Variants in MGAT4C observed in about 807,000 individuals in gnomAD.
MGAT4C encodes alpha-1,3-mannosyl-glycoprotein 4-beta-N-acetylglucosaminyltransferase C.
MGAT4C carries 19 observed loss-of-function variants against 40.1 expected under a neutral mutation model. The observed-to-expected ratio is 0.47, with a 90% confidence interval of 0.33 to 0.70. The LOEUF is 0.70. MGAT4C is among the 30% of genes least tolerant of loss of function. The pLI is 0.02. For missense variants in MGAT4C, 491 were observed against 563.2 expected, an observed-to-expected ratio of 0.87 and a Z score of 1.30; for synonymous variants, 181 against 187.1, an observed-to-expected ratio of 0.97 and a Z score of 0.27.
At chr12:86,623,599 CAA>C (rs1962707925) in intron 2 of MGAT4C, among the ~76,000 whole-genome samples, 1 of 152,028 alleles carries the variant, frequency 6.6e-6, no homozygotes, top group Non-Finnish European at 1.5e-5. Context: ...AATTCTATAT[CAA>C]GTCAAAAATA....
chr12:86,334,104 C>A (rs765371348), exon 4 of MGAT4C: 11 of 152,230 alleles, frequency 7.2e-5, no homozygotes, highest in Non-Finnish European at 1.5e-4. Flanking sequence ...CACGCAGAAT[C>A]AGGGCTGTGC....
At chr12:86,071,794 C>T (rs963219867) in intron 1 of MGAT4C, among the ~76,000 whole-genome samples, 1 of 152,152 alleles carries the variant, frequency 6.6e-6, no homozygotes, top group Admixed American at 6.5e-5. Context: ...AACAGTAAAA[C>T]GTGTTAGATC....
chr12:86,579,381 T>G (rs1307258562), intron 2 of MGAT4C, among the ~76,000 whole-genome samples: 1 of 151,556 alleles, frequency 6.6e-6, no homozygotes, highest in African/African-American at 2.4e-5. Context: ...AGCCATAATT[T>G]TAACCTGATA....
At chr12:85,990,364 T>C (rs1179049001) in intron 2 of MGAT4C, among the ~76,000 whole-genome samples, 1 of 152,168 alleles carries the variant, frequency 6.6e-6, no homozygotes, top group African/African-American at 2.4e-5. Flanking sequence ...AGTATAAACA[T>C]ATCTGAAGCA....
At chr12:86,826,664 G>C (rs888592549) in intron 1 of MGAT4C, among the ~76,000 whole-genome samples, 17 of 151,204 alleles carry the variant, frequency 1.1e-4, no homozygotes, top group African/African-American at 1.9e-4. Flanking sequence ...TGGTTCGTTG[G>C]GGGTAGGCAT....
intron 2 of MGAT4C, among the ~76,000 whole-genome samples, chr12:86,707,504 A>G (rs1267531833): frequency 2.0e-5 from 3 of 150,616 alleles, no homozygotes; most frequent in African/African-American, 7.3e-5. Context: ...GGTTTAGGGT[A>G]TCTGGCGGAG....
chr12:86,247,485 A>C (rs762534393), intron 1 of MGAT4C, among the ~76,000 whole-genome samples: 13 of 152,214 alleles, frequency 8.5e-5, no homozygotes, highest in Non-Finnish European at 1.3e-4. Flanking sequence ...ACTGGCATTA[A>C]CAATTTAATC....
At chr12:86,110,267 A>ACTATATATATATAGACTATATATATAGT (rs1555224731) in intron 1 of MGAT4C, among the ~76,000 whole-genome samples, 1 of 26,070 alleles carries the variant, frequency 3.8e-5, no homozygotes, top group African/African-American at 2.6e-4. Flanking sequence ...ATATATATAG[A>ACTATATATATATAGACTATATATATAGT]CTATATATAT....
chr12:86,364,764 C>T (rs1955556563), intron 3 of MGAT4C, among the ~76,000 whole-genome samples: 1 of 151,994 alleles, frequency 6.6e-6, no homozygotes, highest in Non-Finnish European at 1.5e-5. Context: ...ATAAAACCAG[C>T]AAGTTTTTAT....
intron 4 of MGAT4C, among the ~76,000 whole-genome samples, chr12:86,262,496 A>ACCTTATAT (rs150572095): frequency 0.019 from 2,941 of 152,042 alleles, 80 homozygotes; most frequent in African/African-American, 0.067. Context: ...TCTTTAAGTG[A>ACCTTATAT]CCTTATATCC....
At chr12:86,584,750 T>C (rs998784214) in intron 2 of MGAT4C, among the ~76,000 whole-genome samples, 1 of 151,312 alleles carries the variant, frequency 6.6e-6, no homozygotes, top group Non-Finnish European at 1.5e-5. Context: ...ATTGGAAAGG[T>C]TATGATTGCA....
chr12:86,537,429 ATG>A (rs1565833829), intron 2 of MGAT4C, among the ~76,000 whole-genome samples: 1 of 152,190 alleles, frequency 6.6e-6, no homozygotes, highest in Non-Finnish European at 1.5e-5. Context: ...ATAAAAGTAA[ATG>A]TCTCTTTAAT....
At chr12:86,449,255 T>C (rs1200769336) in intron 2 of MGAT4C, among the ~76,000 whole-genome samples, 4 of 152,172 alleles carry the variant, frequency 2.6e-5, no homozygotes, top group African/African-American at 9.7e-5. Context: ...TAAGAAAGCA[T>C]AGTGAGCTTT....
At chr12:86,741,564 A>C (rs1476949840) in intron 1 of MGAT4C, among the ~76,000 whole-genome samples, 1 of 151,372 alleles carries the variant, frequency 6.6e-6, no homozygotes, top group African/African-American at 2.4e-5. Context: ...GTAATGCTTG[A>C]AAATTGTTTT....
At chr12:86,085,456 A>G (rs1871625455) in intron 1 of MGAT4C, among the ~76,000 whole-genome samples, 2 of 152,172 alleles carry the variant, frequency 1.3e-5, no homozygotes, top group Admixed American at 1.3e-4. Context: ...TTTATTAAAT[A>G]GGGAATCTTT....
intron 4 of MGAT4C, among the ~76,000 whole-genome samples, chr12:86,287,928 G>T (rs1200225245): frequency 2.6e-5 from 4 of 152,186 alleles, no homozygotes; most frequent in Admixed American, 2.6e-4. Context: ...TTGCCACACT[G>T]TCTTCCACAA....
chr12:86,458,822 C>T (rs1957549501), intron 2 of MGAT4C, among the ~76,000 whole-genome samples: 1 of 152,038 alleles, frequency 6.6e-6, no homozygotes, highest in Non-Finnish European at 1.5e-5. Context: ...GTATACTATA[C>T]TTTTAGGATT....
chr12:86,739,084 T>C lies in MGAT4C; in HGVS notation c.-261-11843A>G, dbSNP rs34331650. Among the ~76,000 whole-genome samples the C allele has an allele frequency of 6.0e-3, 770 of 127,844 alleles. 4 individuals carry two copies. Among genetic ancestry groups the C allele is most frequent in the Non-Finnish European group, 9.4e-3 (589 of 62,974 alleles). The allele number at this position is 127,844 out of a possible 152,430, so 83.9% of individuals were successfully genotyped here. A position where few individuals can be genotyped will look rare whatever the true frequency, so the allele number is the denominator to read the frequency against. On this transcript the variant is annotated intron_variant, in intron 1 of 7. Coordinates refer to the MGAT4C transcript ENST00000548651. Reference sequence around the variant, plus strand: ...CATTCCAATTTTTGTCTTATTACTCTCCTTAAGATGGGTAAAGCAGATTTT... The same window carrying C: ...CATTCCAATTTTTGTCTTATTACTCCCCTTAAGATGGGTAAAGCAGATTTT...
At chr12:86,681,892 A>C (rs1051056774) in intron 2 of MGAT4C, among the ~76,000 whole-genome samples, 1 of 152,016 alleles carries the variant, frequency 6.6e-6, no homozygotes, top group Admixed American at 6.6e-5. Flanking sequence ...AATTTACTGA[A>C]CAAAAATGAC....
Sources: gnomAD v4.1 joint callset for allele counts (sites outside exome capture counted in the v4.1 genomes callset) on GRCh38, gnomAD v4.1.1 for gene constraint, MANE v1.5 for transcripts, NCBI Gene and HGNC (gene_info 2026-07-23, HGNC 2026-07-21) for gene names.